The following TBC1D1 variants were observed in gnomAD, a reference collection of about 807,000 sequenced individuals.
TBC1D1 encodes TBC1 domain family member 1.
Under a neutral mutation model 125.6 loss-of-function variants are expected in TBC1D1, and 89 were observed. That is an observed-to-expected ratio of 0.71 (90% CI 0.60 to 0.85). The LOEUF (loss-of-function observed/expected upper bound fraction) is 0.85, where lower values mean the gene tolerates loss of function less well. TBC1D1 is among the 40% of genes least tolerant of loss of function. TBC1D1 has a pLI of 0.00. For missense variants in TBC1D1, 1,377 were observed against 1,469.2 expected, an observed-to-expected ratio of 0.94 and a Z score of 1.03; for synonymous variants, 565 against 564.1, an observed-to-expected ratio of 1.00 and a Z score of -0.02.
intron 17 of TBC1D1, among the ~76,000 whole-genome samples, chr4:38,122,416 G>C (rs1764003957): frequency 1.3e-5 from 2 of 149,674 alleles, no homozygotes; most frequent in African/African-American, 5.1e-5. Context: ...TGCACAACCA[G>C]TGCCCCTGCC....
chr4:38,099,471 C>G (rs993305701), intron 14 of TBC1D1, among the ~76,000 whole-genome samples: 1 of 152,170 alleles, frequency 6.6e-6, no homozygotes, highest in Non-Finnish European at 1.5e-5. Context: ...CCTGTCCTGG[C>G]AAAATTATTA....
chr4:37,907,625 T>C (rs1296962954), intron 2 of TBC1D1, among the ~76,000 whole-genome samples: 2 of 152,206 alleles, frequency 1.3e-5, no homozygotes, highest in African/African-American at 4.8e-5. Context: ...GGTTAAAATG[T>C]AGTGTTGCCT....
At chr4:37,904,385 T>G (rs1043564389) in intron 2 of TBC1D1, among the ~76,000 whole-genome samples, 2 of 152,208 alleles carry the variant, frequency 1.3e-5, no homozygotes, top group Admixed American at 6.5e-5. Context: ...TTGGACAAAT[T>G]CCAGAATGAA....
At chr4:38,130,097 A>G (rs191553032) in intron 18 of TBC1D1, among the ~76,000 whole-genome samples, 54 of 152,342 alleles carry the variant, frequency 3.5e-4, no homozygotes, top group African/African-American at 1.1e-3. Flanking sequence ...AATAACAGAA[A>G]CTTGGAACTA....
chr4:38,092,816 A>G (rs1389587524), intron 13 of TBC1D1, among the ~76,000 whole-genome samples: 2 of 151,960 alleles, frequency 1.3e-5, no homozygotes, highest in African/African-American at 4.8e-5. Flanking sequence ...ACCTATCCCT[A>G]CAGCTTGGGA....
chr4:37,922,722 A>G (rs1721270733), intron 2 of TBC1D1, among the ~76,000 whole-genome samples: 1 of 152,172 alleles, frequency 6.6e-6, no homozygotes, highest in African/African-American at 2.4e-5. Context: ...CATTCTACTG[A>G]ATCAATCAAC....
chr4:37,895,834 A>G lies in TBC1D1; in HGVS notation c.-94+4486A>G, dbSNP rs554163531. ...GAAAACATTTAGAACCACTGGTTTC[A>G]GGAGCTCCATGCAATGGTGAAACAG... On this transcript the variant is annotated intron_variant, in intron 1 of 19. Transcript: ENST00000261439. 2.0e-5 allele frequency among the ~76,000 whole-genome samples: 3 copies of G among 152,346 alleles called. No individual in the cohort carries two copies. In the South Asian group the frequency reaches 6.2e-4, roughly 32 times the overall value.
At position 38,043,483 on chromosome 4, in the gene TBC1D1, C is replaced by T. The variant is rs373609591; in HGVS notation, c.1414-879C>T. On this transcript the variant is annotated intron_variant, in intron 8 of 19. Coordinates refer to ENST00000261439, the MANE Select transcript of TBC1D1 (RefSeq NM_015173.4). ...GTGTAGTCCCAGCTACTCTGGGGGC[C>T]GAGGGAGAAGGATTGCTTGAACCTG... Among the ~76,000 whole-genome samples, 30 of 150,776 alleles carry T rather than the reference C, an allele frequency of 2.0e-4. No homozygotes were observed. In the South Asian group the frequency reaches 6.1e-3, roughly 31 times the overall value.
Position 38,035,704 on chromosome 4 carries a change from G to A in TBC1D1, c.1413+6G>A. 1.3e-6 allele frequency: 2 copies of A among 1,598,968 alleles called. No individual in the cohort carries two copies. The highest frequency in any genetic ancestry group is 2.2e-5 in the East Asian group (1 of 44,578). On this transcript the variant is annotated splice_donor_region_variant and intron_variant, in intron 8 of 19. Transcript: ENST00000261439. ...ATATTGGGGAGATGAAGCAGGTATGGCATTTTTGTCTCTTGTAATTGTTGC... is the reference window on the plus strand; with the variant it reads ...ATATTGGGGAGATGAAGCAGGTATGACATTTTTGTCTCTTGTAATTGTTGC...
At chr4:38,059,022 C>T (rs967300112) in intron 12 of TBC1D1, among the ~76,000 whole-genome samples, 6 of 152,258 alleles carry the variant, frequency 3.9e-5, no homozygotes, top group Admixed American at 3.9e-4. Context: ...ATTAGTCTGC[C>T]TCTTGTTTAC....
chr4:38,096,017 A>T lies in TBC1D1; in HGVS notation c.2325A>T (p.Glu775Asp), dbSNP rs762812889. Reference sequence around the variant, plus strand: ...TTAAAGAAGTAACTACAGTGTGGGAAAAGATGCTTAGCACTCCAGGAAGAT... The same window carrying T: ...TTAAAGAAGTAACTACAGTGTGGGATAAGATGCTTAGCACTCCAGGAAGAT... Residue 775 changes from glutamate to aspartate, a missense_variant, in exon 14 of 20, where the codon GAA becomes GAT. By Grantham distance (45) the Glu-to-Asp change is conservative (BLOSUM62 2). This residue lies in a region of TBC1D1 where 543 missense variants were observed against 613.5 expected (regional missense o/e 0.89). Coordinates refer to ENST00000261439, the MANE Select transcript of TBC1D1 (RefSeq NM_015173.4). 6 of 1,614,044 alleles carry T rather than the reference A, an allele frequency of 3.7e-6. No individual in the cohort carries two copies. The African/African-American group carries it at 8.0e-5, about 22-fold the overall frequency.
chr4:37,893,645 C>T (rs1290647269), intron 1 of TBC1D1, among the ~76,000 whole-genome samples: 1 of 151,862 alleles, frequency 6.6e-6, no homozygotes, highest in Non-Finnish European at 1.5e-5. Flanking sequence ...ATGGCAAAAC[C>T]CTGTCTCTAC....
At chr4:38,041,387 A>C (rs1748341348) in intron 8 of TBC1D1, among the ~76,000 whole-genome samples, 1 of 152,230 alleles carries the variant, frequency 6.6e-6, no homozygotes, top group Non-Finnish European at 1.5e-5. Context: ...CCATTCAGGG[A>C]AGAGAAACTT....
chr4:37,972,036 A>ACT (rs1263745794), intron 2 of TBC1D1, among the ~76,000 whole-genome samples: 2 of 151,520 alleles, frequency 1.3e-5, no homozygotes. Flanking sequence ...GAGACCCTCT[A>ACT]CTCTCTCTCT....
chr4:38,018,491 T>C, intron 4 of TBC1D1, 48 bp downstream of exon 4: 2 of 1,187,668 alleles, frequency 1.7e-6, no homozygotes. Flanking sequence ...AATTTTTAAA[T>C]GAATTTCTAT....
intron 15 of TBC1D1, among the ~76,000 whole-genome samples, chr4:38,105,189 C>T (rs1050575244): frequency 2.0e-5 from 3 of 152,156 alleles, no homozygotes; most frequent in Non-Finnish European, 2.9e-5. Flanking sequence ...CCCCATGGTG[C>T]GTATCACATT....
At chr4:38,120,176 G>A (rs1042377483) in intron 17 of TBC1D1, 7 of 886,682 alleles carry the variant, frequency 7.9e-6, no homozygotes, top group Non-Finnish European at 8.1e-6. Flanking sequence ...ATTATGCATA[G>A]AGATGCCAGT....
intron 18 of TBC1D1, among the ~76,000 whole-genome samples, chr4:38,126,431 C>G (rs530453478): frequency 1.3e-5 from 2 of 152,330 alleles, no homozygotes; most frequent in South Asian, 4.1e-4. Flanking sequence ...GGATTGCATC[C>G]ACATGCAGTG....
intron 12 of TBC1D1, among the ~76,000 whole-genome samples, chr4:38,064,901 A>C (rs1333163410): frequency 3.3e-5 from 5 of 150,756 alleles, no homozygotes; most frequent in Admixed American, 3.3e-4. Flanking sequence ...CTGGGATTAC[A>C]GGCGTGAGCC....
Sources: gnomAD v4.1 joint callset for allele counts (sites outside exome capture counted in the v4.1 genomes callset) on GRCh38, gnomAD v4.1.1 for gene constraint, gnomAD v4.1.1 regional missense constraint, MANE v1.5 for transcripts, NCBI Gene and HGNC (gene_info 2026-07-23, HGNC 2026-07-21) for gene names.